The following ST6GALNAC3 variants were observed in gnomAD, a reference collection of about 807,000 sequenced individuals.
ST6GALNAC3 encodes ST6 N-acetylgalactosaminide alpha-2,6-sialyltransferase 3.
In ST6GALNAC3, 25 loss-of-function variants were observed where a neutral mutation model predicts 32.7. The observed-to-expected ratio is 0.76, with a 90% confidence interval of 0.56 to 1.07. The LOEUF (loss-of-function observed/expected upper bound fraction) is 1.07. Ranked by LOEUF, ST6GALNAC3 falls within the 50% of genes least tolerant of loss-of-function variation. The probability of loss-of-function intolerance (pLI) is 0.00; values close to 1 mark genes in which losing one functional copy is unlikely to be tolerated. For missense variants in ST6GALNAC3, 355 were observed against 382.4 expected (o/e 0.93, Z 0.60); for synonymous variants, 129 against 133.1 (o/e 0.97, Z 0.21).
intron 1 of ST6GALNAC3, among the ~76,000 whole-genome samples, chr1:76,148,362 T>A (rs1237264595): frequency 1.3e-5 from 2 of 152,240 alleles, no homozygotes; most frequent in Non-Finnish European, 2.9e-5. Flanking sequence ...CGAATTCAGA[T>A]ATAGGAAGGT....
intron 1 of ST6GALNAC3, among the ~76,000 whole-genome samples, chr1:76,312,839 A>G (rs1039046268): frequency 3.9e-5 from 6 of 152,184 alleles, no homozygotes; most frequent in Admixed American, 6.6e-5. Flanking sequence ...CTGTACGCCT[A>G]TGAGTAACTG....
Position 76,398,756 on chromosome 1 carries a change from G to C in ST6GALNAC3, c.214-13252G>C, listed in dbSNP as rs547513079. On this transcript the variant is annotated intron_variant, in intron 2 of 4. Coordinates refer to ENST00000328299, the MANE Select transcript of ST6GALNAC3 (RefSeq NM_152996.4). ...ATATAGCAGGAAGTAGAATTTCTGGGTCATAGAGCATATATACATTCAGGT... is the reference window on the plus strand; with the variant it reads ...ATATAGCAGGAAGTAGAATTTCTGGCTCATAGAGCATATATACATTCAGGT... Among the ~76,000 whole-genome samples, 4 of 152,222 alleles carry C rather than the reference G, an allele frequency of 2.6e-5. No individual in the cohort carries two copies. In the East Asian group the frequency reaches 7.7e-4, roughly 29 times the overall value.
chr1:76,097,419 G>A (rs1647153577), intron 1 of ST6GALNAC3, among the ~76,000 whole-genome samples: 1 of 152,092 alleles, frequency 6.6e-6, no homozygotes. Context: ...TTTATAAGGG[G>A]CTTTCCCCCT....
At chr1:76,372,072 C>T (rs1013041215) in intron 2 of ST6GALNAC3, among the ~76,000 whole-genome samples, 2 of 152,104 alleles carry the variant, frequency 1.3e-5, no homozygotes, top group Non-Finnish European at 2.9e-5. Context: ...CTAGCCTTAT[C>T]TGGGGAGAAC....
intron 3 of ST6GALNAC3, among the ~76,000 whole-genome samples, chr1:76,528,287 A>G (rs1663041130): frequency 6.6e-6 from 1 of 152,142 alleles, no homozygotes; most frequent in Non-Finnish European, 1.5e-5. Context: ...TCTATGAGGT[A>G]GGCTCTGGGG....
chr1:76,636,074 C>T (rs1311879566), downstream of ST6GALNAC3, among the ~76,000 whole-genome samples: 2 of 152,074 alleles, frequency 1.3e-5, no homozygotes, highest in African/African-American at 4.8e-5. Context: ...GCACTAGAAA[C>T]TTTCAGAAAA....
chr1:76,444,748 A>G (rs772597875), intron 3 of ST6GALNAC3, among the ~76,000 whole-genome samples: 3 of 152,114 alleles, frequency 2.0e-5, no homozygotes, highest in Non-Finnish European at 2.9e-5. Context: ...TGAGAAGAGT[A>G]ACATTAAGGA....
At chr1:76,357,130 C>CTTTTTTTTTTTTTT (rs55786044) in intron 2 of ST6GALNAC3, among the ~76,000 whole-genome samples, 129 of 111,180 alleles carry the variant, frequency 1.2e-3, no homozygotes, top group Middle Eastern at 6.3e-3. Flanking sequence ...TTTTCTTTTT[C>CTTTTTTTTTTTTTT]TTTTTTTTTT....
chr1:76,132,146 C>A (rs985863106), intron 1 of ST6GALNAC3, among the ~76,000 whole-genome samples: 1 of 152,194 alleles, frequency 6.6e-6, no homozygotes, highest in Admixed American at 6.5e-5. Context: ...CGTCCACCCC[C>A]ACAGGGCACA....
At chr1:76,483,809 T>C (rs1659905300) in intron 3 of ST6GALNAC3, among the ~76,000 whole-genome samples, 1 of 152,234 alleles carries the variant, frequency 6.6e-6, no homozygotes, top group Non-Finnish European at 1.5e-5. Flanking sequence ...GCCTATGGCC[T>C]GAATGGTATT....
chr1:76,221,392 A>G lies in ST6GALNAC3; in HGVS notation c.19-92413A>G, dbSNP rs538207602. 9.2e-5 allele frequency among the ~76,000 whole-genome samples: 14 copies of G among 152,302 alleles called. No individual in the cohort carries two copies. The South Asian group carries it at 2.1e-3, about 23-fold the overall frequency. On this transcript the variant is annotated intron_variant, in intron 1 of 4. Coordinates refer to ENST00000328299, the MANE Select transcript of ST6GALNAC3 (RefSeq NM_152996.4). ...CCTGGGGTCAATTATTTAATAACCT[A>G]TAATGAAGCTGTCGTATTCTATCAC...
intron 1 of ST6GALNAC3, among the ~76,000 whole-genome samples, chr1:76,169,530 A>G (rs976998411): frequency 2.6e-5 from 4 of 152,192 alleles, no homozygotes; most frequent in African/African-American, 7.2e-5. Context: ...GTTCTCATGC[A>G]TGATGTCCTG....
intron 1 of ST6GALNAC3, among the ~76,000 whole-genome samples, chr1:76,239,656 C>A (rs1039595457): frequency 6.6e-6 from 1 of 152,148 alleles, no homozygotes; most frequent in Non-Finnish European, 1.5e-5. Context: ...AAGCCATTCA[C>A]GAGAGATCTT....
intron 3 of ST6GALNAC3, among the ~76,000 whole-genome samples, chr1:76,459,563 C>CAA (rs34570106): frequency 7.9e-6 from 1 of 125,986 alleles, no homozygotes; most frequent in Non-Finnish European, 1.7e-5. Context: ...GACTCCATCT[C>CAA]AAAAAAAAAA....
At chr1:76,272,477 C>T (rs1658906234) in intron 1 of ST6GALNAC3, among the ~76,000 whole-genome samples, 1 of 152,148 alleles carries the variant, frequency 6.6e-6, no homozygotes, top group Admixed American at 6.5e-5. Flanking sequence ...ATTGACTTCT[C>T]CAAGGTCATT....
intron 2 of ST6GALNAC3, among the ~76,000 whole-genome samples, chr1:76,377,200 T>C (rs1325104934): frequency 6.6e-6 from 1 of 152,132 alleles, no homozygotes; most frequent in East Asian, 1.9e-4. Context: ...ACCAAAACTT[T>C]TAGGGCATGA....
chr1:76,207,745 G>A (rs1410829897), intron 1 of ST6GALNAC3, among the ~76,000 whole-genome samples: 1 of 152,168 alleles, frequency 6.6e-6, no homozygotes, highest in Non-Finnish European at 1.5e-5. Flanking sequence ...TTTGGAGGGG[G>A]ACATTCAAAC....
chr1:76,412,050 T>C lies in ST6GALNAC3; in HGVS notation c.256T>C (p.Ser86Pro). The C allele has an allele frequency of 6.2e-7, 1 of 1,613,610 alleles. No homozygotes were observed. Among genetic ancestry groups the C allele is most frequent in the Non-Finnish European group, 8.5e-7 (1 of 1,179,720 alleles). ...DCDLCAIVSN[S>P]GQMVGQKVGN... ...TGACCTTTGTGCCATAGTGTCAAAC[T>C]CAGGTCAGATGGTTGGCCAGAAGGT... Residue 86 changes from serine (S) to proline (P), a missense_variant, in exon 3 of 5, where the codon TCA (serine) becomes CCA (proline). By Grantham distance (74) the Ser-to-Pro change is moderately conservative. Coordinates refer to ENST00000328299, the MANE Select transcript of ST6GALNAC3 (RefSeq NM_152996.4).
intron 1 of ST6GALNAC3, among the ~76,000 whole-genome samples, chr1:76,217,815 G>T (rs1349062977): frequency 2.0e-5 from 3 of 152,160 alleles, no homozygotes; most frequent in African/African-American, 4.8e-5. Context: ...GTAGTCTCCA[G>T]TTCTATCCTG....
Sources: gnomAD v4.1 joint callset for allele counts (sites outside exome capture counted in the v4.1 genomes callset) on GRCh38, gnomAD v4.1.1 for gene constraint, MANE v1.5 for transcripts, NCBI Gene and HGNC (gene_info 2026-07-23, HGNC 2026-07-21) for gene names.